Variants in ANKRD52 observed in about 807,000 individuals in gnomAD.
ANKRD52 encodes the protein ankyrin repeat domain 52, also known as serine/threonine-protein phosphatase 6 regulatory ankyrin repeat subunit C.
Under a neutral mutation model 116.0 loss-of-function variants are expected in ANKRD52, and 7 were observed. The observed-to-expected ratio is 0.06, with a 90% CI of 0.03 to 0.11. ANKRD52 has a LOEUF of 0.11. Among genes scored for constraint, ANKRD52 ranks in the 10% least tolerant of loss-of-function variants. ANKRD52 has a pLI of 1.00. For synonymous variants in ANKRD52, 528 were observed against 578.1 expected, an observed-to-expected ratio of 0.91 and a Z score of 1.24; for missense variants, 839 against 1,408.6, an observed-to-expected ratio of 0.60 and a Z score of 6.47.
rs760776825 is a variant in ANKRD52 at position 56,243,174 on chromosome 12, C to T, written c.3199G>A (p.Ala1067Thr). The stretch of plus-strand genomic sequence containing the variant: ...GAGTAGCAGCCATCTAACCCAATGG[C>T]GCCGGGCCGCTCCTGGCTGTAGGGG... The part of the protein sequence containing the change: ...SCPYSQERPG[A>T]IGLDGCYSE The change falls in exon 28 of 28, where the codon GCC becomes ACC. Residue 1067 changes from alanine (A) to threonine (T), a missense_variant. Coordinates refer to ENST00000267116, the MANE Select transcript of ANKRD52 (RefSeq NM_173595.4). This position sits in a 1 kb window ranked among gnomAD's most constrained non-coding sequence, Gnocchi z 4.6. 8.7e-6 allele frequency: 14 copies of T among 1,607,270 alleles called. No individual in the cohort carries two copies. In the East Asian group the frequency reaches 1.6e-4, roughly 18 times the overall value.
chr12:56,237,972 C>G lies in ANKRD52; in HGVS notation c.*5170G>C. The stretch of plus-strand genomic sequence containing the variant: ...TGGAGGGTGCAGGGTCATTAATCTG[C>G]GGGGAGAACATTGTGCTTTAGCCCA... On this transcript the variant is annotated 3_prime_UTR_variant, in exon 28 of 28. Transcript: ENST00000267116. 44 of 217,966 alleles carry G rather than the reference C, an allele frequency of 2.0e-4. No homozygotes were observed. Among genetic ancestry groups the G allele is most frequent in the East Asian group, 2.9e-4 (3 of 10,278 alleles). 13.5% of individuals were successfully genotyped at this position (217,966 alleles called of 1,614,324 possible).
chr12:56,247,777 A>G lies in ANKRD52; in HGVS notation c.1979-3T>C. 1 of 1,611,002 alleles carries G rather than the reference A, an allele frequency of 6.2e-7. No individual in the cohort carries two copies. The highest frequency in any genetic ancestry group is 8.5e-7 in the Non-Finnish European group (1 of 1,178,848). Reference sequence around the variant, plus strand: ...GGAGTCAGTGTGGCCAGAGGCAGCTAGGGGAAAGGGACCCCGTGTCAGGGC... The same window carrying G: ...GGAGTCAGTGTGGCCAGAGGCAGCTGGGGGAAAGGGACCCCGTGTCAGGGC... On this transcript the variant is annotated splice_polypyrimidine_tract_variant and splice_region_variant and intron_variant, in intron 18 of 27. Transcript: ENST00000267116.
chr12:56,243,063 T>C lies in ANKRD52; in HGVS notation c.*79A>G. 3 of 1,456,090 alleles carry C rather than the reference T, an allele frequency of 2.1e-6. No individual in the cohort carries two copies. Among genetic ancestry groups the C allele is most frequent in the Non-Finnish European group, 1.8e-6 (2 of 1,101,680 alleles). 90.2% of individuals were successfully genotyped at this position (1,456,090 alleles called of 1,614,324 possible). ...CACCCAGTCGTGTTCTCCTTTAAAG[T>C]GCCCTAAATGTTTAGACTTTTTCTA... is the stretch of plus-strand genomic sequence containing the variant. On this transcript the variant is annotated 3_prime_UTR_variant, in exon 28 of 28. Transcript: ENST00000267116. This position sits in a 1 kb window ranked among gnomAD's most constrained non-coding sequence, Gnocchi z 4.6.
rs781643808 is a variant in ANKRD52 at position 56,255,833 on chromosome 12, C to T, written c.413G>A (p.Arg138Lys). ...ATGGTGCAGAGCACTGCGCCCGCTCCTGTCAGCCACGTTGAGGCTGCTCAA... is the reference window on the plus strand; with the variant it reads ...ATGGTGCAGAGCACTGCGCCCGCTCTTGTCAGCCACGTTGAGGCTGCTCAA... Reference protein sequence around the residue: ...PLLSSLNVADRSGRSALHHAV... With the variant: ...PLLSSLNVADKSGRSALHHAV... Residue 138 changes from arginine (R) to lysine (K), a missense_variant, in exon 5 of 28, where the codon AGG becomes AAG. Coordinates refer to ENST00000267116, the MANE Select transcript of ANKRD52 (RefSeq NM_173595.4). This position sits in a 1 kb window ranked among gnomAD's most constrained non-coding sequence, Gnocchi z 4.3. 6.3e-7 allele frequency: 1 copy of T among 1,581,672 alleles called. No individual in the cohort carries two copies. The highest frequency in any genetic ancestry group is 8.6e-7 in the Non-Finnish European group (1 of 1,163,986).
chr12:56,244,493 G>A lies in ANKRD52; in HGVS notation c.2723-58C>T. ...CTCCCTCCAGAGCAGTAGCCATCCT[G>A]GCTCTCCACTTTGCATCCCGTCTGC... On this transcript the variant is annotated intron_variant, in intron 24 of 27. Transcript: ENST00000267116. This position sits in a 1 kb window ranked among gnomAD's most constrained non-coding sequence, Gnocchi z 4.9. The A allele has an allele frequency of 6.2e-7, 1 of 1,601,378 alleles. No homozygotes were observed. Among genetic ancestry groups the A allele is most frequent in the Admixed American group, 1.7e-5 (1 of 59,262 alleles).
chr12:56,258,044 G>T, intron 1 of ANKRD52, 133 bp from the exon 2 acceptor site: 1 of 1,308,492 alleles, frequency 7.6e-7, no homozygotes, highest in Non-Finnish European at 1.1e-6. Context: ...ATTCTGGCTG[G>T]AGCGAGCTCC....
chr12:56,254,829 G>T lies in ANKRD52; in HGVS notation c.550+36C>A. 6.2e-7 allele frequency: 1 copy of T among 1,607,002 alleles called. No homozygotes were observed. Among genetic ancestry groups the T allele is most frequent in the Non-Finnish European group, 8.5e-7 (1 of 1,173,828 alleles). Reference sequence around the variant, plus strand: ...CATCCCTGCCCTAGGAATCCTAAATGTCAAATTTCTGATTTTCCCGTGTAT... The same window carrying T: ...CATCCCTGCCCTAGGAATCCTAAATTTCAAATTTCTGATTTTCCCGTGTAT... On this transcript the variant is annotated intron_variant, in intron 6 of 27. Transcript: ENST00000267116. The surrounding 1 kb of genome is among the most constrained non-coding windows in gnomAD (Gnocchi z 4.6).
In ANKRD52 at chr12:56,240,006, C is replaced by T. The variant is rs1668353752; in HGVS notation, c.*3136G>A. On this transcript the variant is annotated 3_prime_UTR_variant, in exon 28 of 28. Coordinates refer to ENST00000267116, the MANE Select transcript of ANKRD52 (RefSeq NM_173595.4). The surrounding 1 kb of genome is among the most constrained non-coding windows in gnomAD (Gnocchi z 4.2). ...TGGGGTGGCAGTCCCTCAGTCTTTT[C>T]TCTCCCACGCCCCACAGCACCAAAC... is the stretch of plus-strand genomic sequence containing the variant. The T allele has an allele frequency of 6.6e-6, 1 of 152,232 alleles. No homozygotes were observed. The highest frequency in any genetic ancestry group is 2.4e-5 in the African/African-American group (1 of 41,424). 9.4% of individuals were successfully genotyped at this position (152,232 alleles called of 1,614,324 possible). A position where few individuals can be genotyped will look rare whatever the true frequency, so the allele number is the denominator to read the frequency against.
At position 56,243,466 on chromosome 12, in the gene ANKRD52, CTT is replaced by C. The variant is rs746850700; in HGVS notation, c.2981-76_2981-75del. On this transcript the variant is annotated intron_variant, in intron 27 of 27. Coordinates refer to ENST00000267116, the MANE Select transcript of ANKRD52 (RefSeq NM_173595.4). The surrounding 1 kb of genome is among the most constrained non-coding windows in gnomAD (Gnocchi z 4.6). ...CAGCCTCCCCCAAGCCCTGAAGTCT[CTT>C]CTCTGTGGAGGGAGCCAAGGCAGGC... 65 of 1,526,254 alleles carry C rather than the reference CTT, an allele frequency of 4.3e-5. No homozygotes were observed. Among genetic ancestry groups the C allele is most frequent in the Non-Finnish European group, 5.7e-5 (65 of 1,132,478 alleles). The allele number at this position is 1,526,254 out of a possible 1,614,324, so 94.5% of individuals were successfully genotyped here. A position where few individuals can be genotyped will look rare whatever the true frequency, so the allele number is the denominator to read the frequency against.
chr12:56,252,102 AAG>A lies in ANKRD52; in HGVS notation c.1512-9_1512-8del, dbSNP rs560799598. On this transcript the variant is annotated splice_region_variant and splice_polypyrimidine_tract_variant and intron_variant, in intron 14 of 27. Coordinates refer to ENST00000267116, the MANE Select transcript of ANKRD52 (RefSeq NM_173595.4). This position sits in a 1 kb window ranked among gnomAD's most constrained non-coding sequence, Gnocchi z 4.7. ...AGGTGTATGGGGTTCCGCTCTGGGG[AAG>A]AGAGAGAGAAAGTTAGGGCCAGGCT... 1.9e-6 allele frequency: 3 copies of A among 1,613,250 alleles called. No homozygotes were observed. The highest frequency in any genetic ancestry group is 1.7e-6 in the Non-Finnish European group (2 of 1,179,728).
Position 56,242,023 on chromosome 12 carries a change from C to T in ANKRD52, c.*1119G>A, listed in dbSNP as rs988046784. 6.8e-5 allele frequency: 27 copies of T among 398,508 alleles called. No homozygotes were observed. Among genetic ancestry groups the T allele is most frequent in the Non-Finnish European group, 8.4e-5 (19 of 226,088 alleles). 24.7% of individuals were successfully genotyped at this position (398,508 alleles called of 1,614,324 possible). On this transcript the variant is annotated 3_prime_UTR_variant, in exon 28 of 28. Transcript: ENST00000267116. The surrounding 1 kb of genome is among the most constrained non-coding windows in gnomAD (Gnocchi z 4.3). ...CCGAGTAGCCACGGTCCCTTGTCGGCCCTGCCCCTCCTACCATCTTTGGCT... is the reference window on the plus strand; with the variant it reads ...CCGAGTAGCCACGGTCCCTTGTCGGTCCTGCCCCTCCTACCATCTTTGGCT...
rs530063539 is a variant in ANKRD52, at chr12:56,248,006, C to T, written c.1978+17G>A. The T allele has an allele frequency of 4.4e-6, 7 of 1,579,482 alleles. No homozygotes were observed. In the Admixed American group the frequency reaches 5.4e-5, roughly 12 times the overall value. Reference sequence around the variant, plus strand: ...GGCATGGCAAGGGTAGGGCAGCAGCCTAAAGTGGGCACTAACCAGCAGCGT... The same window carrying T: ...GGCATGGCAAGGGTAGGGCAGCAGCTTAAAGTGGGCACTAACCAGCAGCGT... On this transcript the variant is annotated intron_variant, in intron 18 of 27. Transcript: ENST00000267116. This position sits in a 1 kb window ranked among gnomAD's most constrained non-coding sequence, Gnocchi z 5.1.
At position 56,250,766 on chromosome 12, in the gene ANKRD52, T is replaced by A. The variant is rs1342626568; in HGVS notation, c.1592+1249A>T. Among the ~76,000 whole-genome samples, 3 of 149,630 alleles carry A rather than the reference T, an allele frequency of 2.0e-5. No individual in the cohort carries two copies. The East Asian group carries it at 5.9e-4, about 29-fold the overall frequency. Reference sequence around the variant, plus strand: ...AAAAAAAAAGAAAGAAAAAGAAAAATTGTGAAGATAGTACAGGGAGTTCTC... The same window carrying A: ...AAAAAAAAAGAAAGAAAAAGAAAAAATGTGAAGATAGTACAGGGAGTTCTC... On this transcript the variant is annotated intron_variant, in intron 15 of 27. Transcript: ENST00000267116.
chr12:56,248,377 T>C lies in ANKRD52; in HGVS notation c.1776+118A>G. On this transcript the variant is annotated intron_variant, in intron 17 of 27. Transcript: ENST00000267116. The surrounding 1 kb of genome is among the most constrained non-coding windows in gnomAD (Gnocchi z 5.1). Reference sequence around the variant, plus strand: ...AAGGCTTCCTACCCTGCACTGTGCTTATCCCCTCTCCCACAAAAAGGCAGA... The same window carrying C: ...AAGGCTTCCTACCCTGCACTGTGCTCATCCCCTCTCCCACAAAAAGGCAGA... 3 of 1,414,536 alleles carry C rather than the reference T, an allele frequency of 2.1e-6. No individual in the cohort carries two copies. Among genetic ancestry groups the C allele is most frequent in the Non-Finnish European group, 2.9e-6 (3 of 1,022,444 alleles). The allele number at this position is 1,414,536 out of a possible 1,614,324, so 87.6% of individuals were successfully genotyped here. A position where few individuals can be genotyped will look rare whatever the true frequency, so the allele number is the denominator to read the frequency against.
In ANKRD52 at chr12:56,248,050, G is replaced by C. The variant is rs781048841; in HGVS notation, c.1951C>G (p.Arg651Gly). 6.2e-7 allele frequency: 1 copy of C among 1,608,016 alleles called. No homozygotes were observed. The highest frequency in any genetic ancestry group is 8.5e-7 in the Non-Finnish European group (1 of 1,179,680). The part of the protein sequence containing the change: ...GASALIKERK[R>G]KWTPLHAAAA... ...GCAGCGTGCAGGGGTGTCCACTTGC[G>C]CTTGCGCTCCTTGATGAGGGCAGAG... Residue 651 changes from arginine (R) to glycine (G), a missense_variant, in exon 18 of 28, where the codon CGC (arginine) becomes GGC (glycine). Arg to Gly is a moderately radical substitution (Grantham distance 125, BLOSUM62 -2). Coordinates refer to ENST00000267116, the MANE Select transcript of ANKRD52 (RefSeq NM_173595.4). This position sits in a 1 kb window ranked among gnomAD's most constrained non-coding sequence, Gnocchi z 5.1.
In ANKRD52 at chr12:56,241,089, C is replaced by T. The variant is rs1402821958; in HGVS notation, c.*2053G>A. The T allele has an allele frequency of 6.6e-6, 1 of 152,106 alleles. No individual in the cohort carries two copies. Among genetic ancestry groups the T allele is most frequent in the Non-Finnish European group, 1.5e-5 (1 of 68,026 alleles). The allele number at this position is 152,106 out of a possible 1,614,324, so 9.4% of individuals were successfully genotyped here. On this transcript the variant is annotated 3_prime_UTR_variant, in exon 28 of 28. Coordinates refer to ENST00000267116, the MANE Select transcript of ANKRD52 (RefSeq NM_173595.4). ...GCAGGGTTGGGGATGGGGGCTGCAG[C>T]CCTTAAGAGAGGTCACATTGATTGT...
At position 56,244,270 on chromosome 12, in the gene ANKRD52, C is replaced by T; in HGVS notation, c.2805+83G>A. ...AGGCTGGACAATCCTCACTTCTGCC[C>T]CAGTCCCCTCTGCAACCGAGACTTA... On this transcript the variant is annotated intron_variant, in intron 25 of 27. Transcript: ENST00000267116. This position sits in a 1 kb window ranked among gnomAD's most constrained non-coding sequence, Gnocchi z 4.9. 1 of 1,548,086 alleles carries T rather than the reference C, an allele frequency of 6.5e-7. No individual in the cohort carries two copies. Among genetic ancestry groups the T allele is most frequent in the Non-Finnish European group, 8.9e-7 (1 of 1,123,876 alleles).
Position 56,252,208 on chromosome 12 carries a change from A to G in ANKRD52, c.1478T>C (p.Leu493Pro), listed in dbSNP as rs1187739569. 6.2e-7 allele frequency: 1 copy of G among 1,613,842 alleles called. No individual in the cohort carries two copies. The highest frequency in any genetic ancestry group is 1.3e-5 in the African/African-American group (1 of 74,904). The change falls in exon 14 of 28, where the codon CTC becomes CCC. Residue 493 changes from leucine to proline, a missense_variant. By Grantham distance (98) the Leu-to-Pro change is moderately conservative. Around this residue, in one of 2 missense-constraint regions of ANKRD52, gnomAD observed 552 missense variants for 810.6 expected, o/e 0.68. Coordinates refer to ENST00000267116, the MANE Select transcript of ANKRD52 (RefSeq NM_173595.4). This position sits in a 1 kb window ranked among gnomAD's most constrained non-coding sequence, Gnocchi z 4.7. Reference protein sequence around the residue: ...NEADCKGCSPLHYAAASDTYR... With the variant: ...NEADCKGCSPPHYAAASDTYR... The stretch of plus-strand genomic sequence containing the variant: ...AGTGTCAGAAGCGGCAGCGTAGTGG[A>G]GGGGAGAGCAGCCTTTACAGTCGGC...
chr12:56,253,319 T>C lies in ANKRD52; in HGVS notation c.1069A>G (p.Thr357Ala). 1.9e-6 allele frequency: 3 copies of C among 1,613,788 alleles called. No individual in the cohort carries two copies. The highest frequency in any genetic ancestry group is 2.5e-6 in the Non-Finnish European group (3 of 1,179,852). ...ARYGHELLIS[T>A]LMTNGADTAR... ...GTATCTGCGCCATTGGTCATGAGGGTGCTGATGAGCAGCTCGTGTCCATAT... is the reference window on the plus strand; with the variant it reads ...GTATCTGCGCCATTGGTCATGAGGGCGCTGATGAGCAGCTCGTGTCCATAT... The change falls in exon 10 of 28, where the codon ACC becomes GCC. Residue 357 changes from threonine to alanine, a missense_variant. Physicochemically the swap from Thr to Ala is moderately conservative, Grantham distance 58. Coordinates refer to ENST00000267116, the MANE Select transcript of ANKRD52 (RefSeq NM_173595.4). The surrounding 1 kb of genome is among the most constrained non-coding windows in gnomAD (Gnocchi z 5.5).
Sources: gnomAD v4.1 joint callset for allele counts (sites outside exome capture counted in the v4.1 genomes callset) on GRCh38, gnomAD v4.1.1 for gene constraint, gnomAD v4.1.1 regional missense constraint, Gnocchi (gnomAD v3.1) non-coding constraint, MANE v1.5 for transcripts, NCBI Gene and HGNC (gene_info 2026-07-23, HGNC 2026-07-21) for gene names.